CEP192: variants seen among roughly 807,000 people sequenced by gnomAD.
The protein encoded by CEP192 is centrosomal protein of 192 kDa.
Under a neutral mutation model 271.8 loss-of-function variants are expected in CEP192, and 151 were observed. The observed-to-expected ratio is 0.56, with a 90% confidence interval of 0.49 to 0.64. The LOEUF (loss-of-function observed/expected upper bound fraction) is 0.64, where lower values mean the gene tolerates loss of function less well. CEP192 is among the 30% of genes least tolerant of loss of function. CEP192 has a pLI of 0.00. For missense variants in CEP192, 2,910 were observed against 3,020.5 expected, an observed-to-expected ratio of 0.96 and a Z score of 0.86; for synonymous variants, 995 against 1,076.5, an observed-to-expected ratio of 0.92 and a Z score of 1.48.
chr18:13,022,035 A>G (rs537197951), intron 9 of CEP192, among the ~76,000 whole-genome samples: 25 of 152,098 alleles, frequency 1.6e-4, no homozygotes, highest in Non-Finnish European at 2.9e-4. Flanking sequence ...ATCCATTTTC[A>G]GTTAATTTTT....
At position 13,056,191 on chromosome 18, in the gene CEP192, C is replaced by T; in HGVS notation, c.3601C>T (p.Pro1201Ser). Residue 1201 changes from proline (P) to serine (S), a missense_variant, in exon 19 of 45, where the codon CCT becomes TCT. Transcript: ENST00000506447. ...TATAGATGAAGATCAAAGAATAAGT[C>T]CTAAAGATAAGTCAACTGCTGGCCG... The part of the protein sequence containing the change: ...EPIDEDQRIS[P>S]KDKSTAGREF... 1 of 1,614,032 alleles carries T rather than the reference C, an allele frequency of 6.2e-7. No individual in the cohort carries two copies. The highest frequency in any genetic ancestry group is 8.5e-7 in the Non-Finnish European group (1 of 1,179,970).
rs751821420 is a variant in CEP192, at chr18:13,049,489, A to T, written c.2698A>T (p.Ile900Phe). 6.2e-7 allele frequency: 1 copy of T among 1,614,094 alleles called. No individual in the cohort carries two copies. Among genetic ancestry groups the T allele is most frequent in the Non-Finnish European group, 8.5e-7 (1 of 1,180,004 alleles). Residue 900 changes from isoleucine (I) to phenylalanine (F), a missense_variant, in exon 16 of 45, where the codon ATT (isoleucine) becomes TTT (phenylalanine). By Grantham distance (21) the Ile-to-Phe change is conservative (BLOSUM62 0). Coordinates refer to ENST00000506447, the MANE Select transcript of CEP192 (RefSeq NM_032142.4). ...DVGNDEKATSISTPSDSYSSV... is the reference protein window; with the variant it reads ...DVGNDEKATSFSTPSDSYSSV... ...TGGTAACGATGAAAAAGCTACCTCA[A>T]TTTCCACTCCATCTGATAGTTATTC...
At chr18:13,115,997 T>C (rs115204929) in intron 42 of CEP192, among the ~76,000 whole-genome samples, 6,494 of 152,210 alleles carry the variant, frequency 0.043, 158 homozygotes, top group Middle Eastern at 0.092. Context: ...CCAGCAAACA[T>C]TGCCTGGAGG....
intron 17 of CEP192, among the ~76,000 whole-genome samples, chr18:13,051,348 A>G (rs1489624983): frequency 1.3e-5 from 2 of 151,866 alleles, no homozygotes; most frequent in Admixed American, 1.3e-4. Context: ...GTGCTGTATC[A>G]TACTGTGTGT....
chr18:13,056,198 ATAAGTCAAC>A lies in CEP192; in HGVS notation c.3610_3618del (p.Lys1204_Thr1206del). On this transcript the variant is annotated inframe_deletion, in exon 19 of 45. Coordinates refer to ENST00000506447, the MANE Select transcript of CEP192 (RefSeq NM_032142.4). ...GAAGATCAAAGAATAAGTCCTAAAG[ATAAGTCAAC>A]TGCTGGCCGTGAGTTCAGTGGCCAG... 1 of 1,614,090 alleles carries A rather than the reference ATAAGTCAAC, an allele frequency of 6.2e-7. No individual in the cohort carries two copies. Among genetic ancestry groups the A allele is most frequent in the Middle Eastern group, 1.6e-4 (1 of 6,062 alleles).
Position 13,038,582 on chromosome 18 carries a change from A to G in CEP192, c.1809+3A>G, listed in dbSNP as rs749026733. The G allele has an allele frequency of 6.5e-6, 10 of 1,548,990 alleles. No homozygotes were observed. In the East Asian group the frequency reaches 9.8e-5, roughly 15 times the overall value. On this transcript the variant is annotated splice_donor_region_variant and intron_variant, in intron 13 of 44. Coordinates refer to ENST00000506447, the MANE Select transcript of CEP192 (RefSeq NM_032142.4). ...GTGGTGGTAACAATGTGAAAAGAGT[A>G]AGTATGGAATCTGTTGGAAGTGCTC...
At chr18:13,081,049 A>AT (rs1395428582) in intron 30 of CEP192, among the ~76,000 whole-genome samples, 1 of 152,190 alleles carries the variant, frequency 6.6e-6, no homozygotes, top group Non-Finnish European at 1.5e-5. Flanking sequence ...CCAGTATTTT[A>AT]TTGAAGATTT....
At chr18:13,097,507 T>C (rs2039458166) in intron 36 of CEP192, among the ~76,000 whole-genome samples, 1 of 152,138 alleles carries the variant, frequency 6.6e-6, no homozygotes, top group South Asian at 2.1e-4. Context: ...GTGCTGTACT[T>C]GCATTCTTCT....
At chr18:13,114,345 A>C in intron 42 of CEP192, 94 bp downstream of exon 42, 1 of 1,326,994 alleles carries the variant, frequency 7.5e-7, no homozygotes. Flanking sequence ...CTGAGTTCAC[A>C]TGTGTTACCA....
Position 13,113,669 on chromosome 18 carries a change from C to T in CEP192, c.7131C>T (p.His2377=). The change falls in exon 41 of 45, where the codon CAC becomes CAT. Residue 2377 remains histidine (H), a synonymous_variant. Transcript: ENST00000506447. ...DVECHPLKEP[H]MKHTLRFQLS... is the part of the protein sequence containing the mutation. ...AATGTCACCCTCTTAAGGAGCCTCA[C>T]ATGAAACACACGTTGAGATTCCAAC... 1 of 1,613,420 alleles carries T rather than the reference C, an allele frequency of 6.2e-7. No individual in the cohort carries two copies. The highest frequency in any genetic ancestry group is 8.5e-7 in the Non-Finnish European group (1 of 1,179,510).
chr18:13,013,410 A>G (rs1323222645), intron 5 of CEP192, among the ~76,000 whole-genome samples: 3 of 152,186 alleles, frequency 2.0e-5, no homozygotes, highest in African/African-American at 7.2e-5. Flanking sequence ...GTTGTCACTT[A>G]ATAATTTGTT....
chr18:13,008,285 A>G (rs994989366), intron 3 of CEP192, among the ~76,000 whole-genome samples, 171 bp from the exon 4 acceptor site: 1 of 152,218 alleles, frequency 6.6e-6, no homozygotes, highest in Non-Finnish European at 1.5e-5. Flanking sequence ...AGTCCCCAGA[A>G]TACAGTGCAG....
At chr18:13,013,668 C>A (rs1389990076) in intron 5 of CEP192, among the ~76,000 whole-genome samples, 3 of 152,106 alleles carry the variant, frequency 2.0e-5, no homozygotes, top group South Asian at 2.1e-4. Flanking sequence ...CCCCACTGGA[C>A]CACCTGAAGT....
At chr18:13,002,572 A>G (rs1470425576) in intron 3 of CEP192, among the ~76,000 whole-genome samples, 1 of 152,172 alleles carries the variant, frequency 6.6e-6, no homozygotes, top group African/African-American at 2.4e-5. Context: ...GACCATTACA[A>G]ATTAACACAT....
intron 44 of CEP192, among the ~76,000 whole-genome samples, chr18:13,120,565 T>A (rs1269471480): frequency 6.6e-6 from 1 of 152,230 alleles, no homozygotes; most frequent in African/African-American, 2.4e-5. Flanking sequence ...TAAGTTAGCA[T>A]TTAAAATAGT....
intron 38 of CEP192, among the ~76,000 whole-genome samples, chr18:13,101,132 C>T (rs944509087): frequency 6.6e-5 from 10 of 152,164 alleles, no homozygotes; most frequent in African/African-American, 1.9e-4. Context: ...TGATTCTGGG[C>T]GGCGGCAGCC....
chr18:13,033,714 G>A (rs1268164053), intron 11 of CEP192, among the ~76,000 whole-genome samples: 1 of 152,212 alleles, frequency 6.6e-6, no homozygotes, highest in Non-Finnish European at 1.5e-5. Flanking sequence ...GAGGTACCCT[G>A]TGGCTATACA....
Position 13,114,154 on chromosome 18 carries a change from G to A in CEP192, c.7192G>A (p.Glu2398Lys). The change falls in exon 42 of 45, where the codon GAA becomes AAA. Residue 2398 changes from glutamate (E) to lysine (K), a missense_variant. Glu to Lys is a moderately conservative substitution (Grantham distance 56). Transcript: ENST00000506447. ...GQSIEAENEP[E>K]NACLSTDSLI... ...GAGCATCGAAGCAGAAAATGAGCCT[G>A]AAAACGCATGCCTTTCCACGGATTC... The A allele has an allele frequency of 6.2e-7, 1 of 1,613,678 alleles. No homozygotes were observed. The highest frequency in any genetic ancestry group is 1.1e-5 in the South Asian group (1 of 90,998).
intron 30 of CEP192, among the ~76,000 whole-genome samples, chr18:13,078,682 C>CG (rs1454646013): frequency 2.0e-5 from 3 of 151,962 alleles, no homozygotes; most frequent in Non-Finnish European, 2.9e-5. Context: ...ATGTTCACAA[C>CG]GTGCAGGTTT....
Sources: allele counts gnomAD v4.1 joint callset (sites outside exome capture counted in the v4.1 genomes callset), GRCh38; gene constraint gnomAD v4.1.1; transcripts MANE v1.5; gene names NCBI Gene and HGNC (gene_info 2026-07-23, HGNC 2026-07-21).